ZNF99: variants seen among roughly 807,000 people sequenced by gnomAD.
ZNF99 encodes the protein zinc finger protein ENSP00000375192.
A neutral mutation model predicts 12.8 loss-of-function variants in ZNF99; 8 were observed. The observed-to-expected ratio is 0.62, with a 90% CI of 0.37 to 1.13. The LOEUF (loss-of-function observed/expected upper bound fraction) is 1.13, where lower values mean the gene tolerates loss of function less well. Among genes scored for constraint, ZNF99 ranks in the 50% most tolerant of loss-of-function variants. The pLI is 0.02. For missense variants in ZNF99, 1,007 were observed against 1,006.2 expected, an observed-to-expected ratio of 1.00 and a Z score of -0.01; for synonymous variants, 318 against 319.0, an observed-to-expected ratio of 1.00 and a Z score of 0.03.
At chr19:22,770,018 T>C in intron 1 of ZNF99, 2 of 1,331,254 alleles carry the variant, frequency 1.5e-6, no homozygotes, top group Non-Finnish European at 2.0e-6. Flanking sequence ...TTTTAATGTG[T>C]ACAATTAACT....
intron 3 of ZNF99, among the ~76,000 whole-genome samples, chr19:22,761,589 G>C (rs533788162): frequency 1.3e-5 from 2 of 152,284 alleles, no homozygotes; most frequent in South Asian, 4.1e-4. Flanking sequence ...CATCAAGACA[G>C]AAAGTCAACA....
chr19:22,756,196 T>C lies in ZNF99; in HGVS notation c.*1118A>G, dbSNP rs780352722. ...AATGGTTGAAAGCTTTGACACATTCTTCACATTTTTAGGGCTTCTCCCCAG... is the reference window on the plus strand; with the variant it reads ...AATGGTTGAAAGCTTTGACACATTCCTCACATTTTTAGGGCTTCTCCCCAG... On this transcript the variant is annotated 3_prime_UTR_variant, in exon 4 of 4. Coordinates refer to ENST00000596209, the MANE Select transcript of ZNF99 (RefSeq NM_001080409.3). The C allele has an allele frequency of 2.6e-6, 4 of 1,562,212 alleles. No homozygotes were observed. Among genetic ancestry groups the C allele is most frequent in the Non-Finnish European group, 3.5e-6 (4 of 1,149,704 alleles).
intron 1 of ZNF99, among the ~76,000 whole-genome samples, chr19:22,781,307 T>A (rs1395336254): frequency 1.3e-5 from 2 of 151,126 alleles, no homozygotes; most frequent in Non-Finnish European, 2.9e-5. Flanking sequence ...CTCACTTAAG[T>A]GCCCAATAAC....
In ZNF99 at chr19:22,758,165, T is replaced by A. The variant is rs774731633; in HGVS notation, c.1744A>T (p.Arg582Ter). 6.2e-7 allele frequency: 1 copy of A among 1,613,636 alleles called. No individual in the cohort carries two copies. The highest frequency in any genetic ancestry group is 1.7e-4 in the Middle Eastern group (1 of 6,054). ...KAFKQSSHLT[R>*]HKAIHTGEKP... ...TCCCCAGTATGAATTGCTTTATGTC[T>A]AGTAAGATGTGAAGATTGCTTAAAA... Residue 582 changes from arginine (R) to a stop codon, truncating the protein, a stop_gained, in exon 4 of 4, where the codon AGA (arginine) becomes TGA (stop). Transcript: ENST00000596209. LOFTEE classifies it low-confidence loss of function (END_TRUNC).
intron 2 of ZNF99, 47 bp from the exon 3 acceptor site, chr19:22,768,447 A>C: frequency 6.7e-7 from 1 of 1,483,958 alleles, no homozygotes; most frequent in African/African-American, 1.4e-5. Context: ...ATATTCCCCA[A>C]ATAATGTGCT....
chr19:22,770,902 C>G (rs370146354), intron 1 of ZNF99: 4 of 151,928 alleles, frequency 2.6e-5, no homozygotes, highest in Non-Finnish European at 4.4e-5. Flanking sequence ...TTCTTTAGCA[C>G]ACTAGAGAGC....
rs1973065954 is a variant in ZNF99, at chr19:22,756,757, T to C, written c.*557A>G. ...CTTATGTTTCATAAGGGTTGAGGAA[T>C]TGTTAAAAGCTTTGCCACATTCTTC... On this transcript the variant is annotated 3_prime_UTR_variant, in exon 4 of 4. Transcript: ENST00000596209. 6 of 1,608,480 alleles carry C rather than the reference T, an allele frequency of 3.7e-6. No homozygotes were observed. Among genetic ancestry groups the C allele is most frequent in the Non-Finnish European group, 5.1e-6 (6 of 1,178,206 alleles).
chr19:22,768,160 G>A (rs1417564879), intron 3 of ZNF99, 145 bp downstream of exon 3: 9 of 893,142 alleles, frequency 1.0e-5, no homozygotes, highest in East Asian at 2.7e-5. Flanking sequence ...TGCCCTACAT[G>A]AGAGCAAAAT....
At chr19:22,764,668 T>C (rs969989101) in intron 3 of ZNF99, among the ~76,000 whole-genome samples, 3 of 150,172 alleles carry the variant, frequency 2.0e-5, no homozygotes, top group African/African-American at 7.3e-5. Flanking sequence ...AAAACTGAGC[T>C]AAGGACACAA....
Position 22,758,362 on chromosome 19 carries a change from T to C in ZNF99, c.1547A>G (p.Lys516Arg), listed in dbSNP as rs778173961. The change falls in exon 4 of 4, where the codon AAA becomes AGA. Residue 516 changes from lysine (K) to arginine (R), a missense_variant. By Grantham distance (26) the Lys-to-Arg change is conservative. Coordinates refer to ENST00000596209, the MANE Select transcript of ZNF99 (RefSeq NM_001080409.3). Reference protein sequence around the residue: ...EKPCKCEECGKAFKHFSALRK... With the variant: ...EKPCKCEECGRAFKHFSALRK... ...AAGGGCTGAGAAATGCTTAAAAGCT[T>C]TGCCACATTCTTCACATTTGCAAGG... 4.0e-5 allele frequency: 64 copies of C among 1,605,248 alleles called. No individual in the cohort carries two copies. The highest frequency in any genetic ancestry group is 5.3e-5 in the Non-Finnish European group (62 of 1,174,024).
At chr19:22,764,748 T>A (rs963485965) in intron 3 of ZNF99, among the ~76,000 whole-genome samples, 1 of 152,122 alleles carries the variant, frequency 6.6e-6, no homozygotes, top group Admixed American at 6.5e-5. Flanking sequence ...ATATTGCTAA[T>A]GGCCAGGGAA....
intron 1 of ZNF99, among the ~76,000 whole-genome samples, chr19:22,771,872 C>T (rs1235317523): frequency 1.4e-5 from 2 of 143,574 alleles, no homozygotes; most frequent in Non-Finnish European, 1.5e-5. Flanking sequence ...CGTGTGCCAC[C>T]ACGCCCGGCT....
intron 3 of ZNF99, among the ~76,000 whole-genome samples, chr19:22,760,738 T>C (rs2112611): frequency 0.99 from 151,024 of 152,050 alleles, 75,001 homozygotes; most frequent in Middle Eastern, 1. Flanking sequence ...AGAGAGACTC[T>C]GTCTCAAAAA....
intron 1 of ZNF99, among the ~76,000 whole-genome samples, chr19:22,780,601 G>C (rs2145161814): frequency 6.6e-6 from 1 of 150,540 alleles, no homozygotes; most frequent in East Asian, 2.0e-4. Flanking sequence ...TGAGGCAGGA[G>C]AATCACTTGA....
chr19:22,759,520 T>C lies in ZNF99; in HGVS notation c.389A>G (p.Tyr130Cys), dbSNP rs1310797012. 3.1e-6 allele frequency: 5 copies of C among 1,610,346 alleles called. No homozygotes were observed. The South Asian group carries it at 4.5e-5, about 14-fold the overall frequency. Residue 130 changes from tyrosine to cysteine, a missense_variant, in exon 4 of 4, where the codon TAT becomes TGT. Transcript: ENST00000596209. ...VNEGKMHEEA[Y>C]NKLNQCWTTT... ...TGTCCAACATTGGTTAAGTTTATTA[T>C]AAGCTTCTTCGTGCATCTTACCCTC... is the stretch of plus-strand genomic sequence containing the variant.
Position 22,757,898 on chromosome 19 carries a change from G to A in ZNF99, c.2011C>T (p.His671Tyr), listed in dbSNP as rs749281793. 5 of 1,612,466 alleles carry A rather than the reference G, an allele frequency of 3.1e-6. No individual in the cohort carries two copies. In the South Asian group the frequency reaches 4.4e-5, roughly 14 times the overall value. ...CATTTGTAGGGTTTCTCTTCAGTAT[G>A]AATTACTTTATGTCTAGTAAGGTGT... is the stretch of plus-strand genomic sequence containing the variant. ...SSHLTRHKVI[H>Y]TEEKPYKCEE... Residue 671 changes from histidine to tyrosine, a missense_variant, in exon 4 of 4, where the codon CAT becomes TAT. His to Tyr is a moderately conservative substitution (Grantham distance 83, BLOSUM62 2). Coordinates refer to ENST00000596209, the MANE Select transcript of ZNF99 (RefSeq NM_001080409.3).
chr19:22,768,440 T>G, intron 2 of ZNF99, 40 bp from the exon 3 acceptor site: 1 of 1,527,866 alleles, frequency 6.5e-7, no homozygotes, highest in Non-Finnish European at 8.9e-7. Context: ...ATTGCTCATA[T>G]TCCCCAAATA....
At chr19:22,779,554 T>TA (rs1417808777) in intron 1 of ZNF99, among the ~76,000 whole-genome samples, 3 of 152,056 alleles carry the variant, frequency 2.0e-5, no homozygotes, top group Non-Finnish European at 2.9e-5. Flanking sequence ...AATAAATAAA[T>TA]AAATCAGCTG....
rs756558906 is a variant in ZNF99 at position 22,757,693 on chromosome 19, C to A, written c.2216G>T (p.Gly739Val). The A allele has an allele frequency of 1.9e-6, 3 of 1,611,960 alleles. No individual in the cohort carries two copies. The Admixed American group carries it at 5.0e-5, about 27-fold the overall frequency. ...TTTTGAGGACCACTTAAAAGCTTTA[C>A]CACATTCTTCACATTTGTAGGGTTT... ...GEKPYKCEEC[G>V]KAFKWSSKLT... The change falls in exon 4 of 4, where the codon GGT becomes GTT. Residue 739 changes from glycine (G) to valine (V), a missense_variant. Physicochemically the swap from Gly to Val is moderately radical, Grantham distance 109. Transcript: ENST00000596209.
Sources: allele counts gnomAD v4.1 joint callset (sites outside exome capture counted in the v4.1 genomes callset), GRCh38; gene constraint gnomAD v4.1.1; transcripts MANE v1.5; gene names NCBI Gene and HGNC (gene_info 2026-07-23, HGNC 2026-07-21).